The following FAM228B variants were observed in gnomAD, a reference collection of about 807,000 sequenced individuals.
FAM228B encodes protein FAM228B.
Under a neutral mutation model 42.6 loss-of-function variants are expected in FAM228B, and 38 were observed. That is an observed-to-expected ratio of 0.89 (90% CI 0.69 to 1.17). FAM228B has a LOEUF of 1.17. Ranked by LOEUF, FAM228B falls within the 50% of genes most tolerant of loss-of-function variation. The pLI is 0.00. For missense variants in FAM228B, 344 were observed against 367.3 expected (o/e 0.94, Z 0.52); for synonymous variants, 109 against 122.3 (o/e 0.89, Z 0.72).
chr2:24,164,364 A>C, intron 9 of FAM228B, 29 bp downstream of exon 9: 2 of 1,531,948 alleles, frequency 1.3e-6, no homozygotes, highest in Non-Finnish European at 1.8e-6. Flanking sequence ...CCATTTCATC[A>C]TACATAAGGT....
At chr2:24,124,083 T>G in intron 1 of FAM228B, 1 of 275,604 alleles carries the variant, frequency 3.6e-6, no homozygotes. Flanking sequence ...TGGGCTGCCT[T>G]GGAGGGGGAC....
In FAM228B at chr2:24,132,464, G is replaced by GTTTTTTTTT. The variant is rs548264853; in HGVS notation, c.100-2637_100-2629dup. 1.2e-3 allele frequency among the ~76,000 whole-genome samples: 66 copies of GTTTTTTTTT among 55,996 alleles called. 1 individual carries two copies. Among genetic ancestry groups the GTTTTTTTTT allele is most frequent in the East Asian group, 1.9e-3 (3 of 1,610 alleles). 36.7% of individuals were successfully genotyped at this position (55,996 alleles called of 152,430 possible). On this transcript the variant is annotated intron_variant, in intron 2 of 10. Transcript: ENST00000615575. ...CATGAATCCCTCTGGTCCTGGGATT[G>GTTTTTTTTT]TTTTTTTTTTTTTTTTTTTTTTTTT...
chr2:24,100,747 G>GC (rs1036315480), intron 3 of FAM228B, among the ~76,000 whole-genome samples: 11 of 152,172 alleles, frequency 7.2e-5, no homozygotes, highest in African/African-American at 2.7e-4. Flanking sequence ...ATTTGACCCA[G>GC]CAATCCCATT....
intron 1 of FAM228B, 75 bp downstream of exon 1, chr2:24,123,608 C>G (rs1035262111): frequency 6.6e-6 from 1 of 151,946 alleles, no homozygotes; most frequent in East Asian, 1.9e-4. Context: ...GCTCCGGGGT[C>G]GTCGGGCCGG....
intron 5 of FAM228B, among the ~76,000 whole-genome samples, chr2:24,142,133 C>G (rs1362888991): frequency 6.6e-6 from 1 of 152,176 alleles, no homozygotes; most frequent in Non-Finnish European, 1.5e-5. Flanking sequence ...GACCCTGCTC[C>G]TGAGCTGCTA....
chr2:24,123,389 C>T (rs1666190093), upstream of FAM228B: 1 of 152,240 alleles, frequency 6.6e-6, no homozygotes, highest in East Asian at 1.9e-4. Flanking sequence ...CTTCCGCAAA[C>T]CAAGACCCGC....
At chr2:24,092,212 C>A (rs2150992066) in intron 2 of FAM228B, among the ~76,000 whole-genome samples, 1 of 103,840 alleles carries the variant, frequency 9.6e-6, no homozygotes, top group Non-Finnish European at 1.8e-5. Flanking sequence ...GAGTAAGACT[C>A]TGTCTCAAAA....
chr2:24,159,918 G>C (rs144864012), intron 7 of FAM228B, among the ~76,000 whole-genome samples: 1 of 151,654 alleles, frequency 6.6e-6, no homozygotes, highest in Admixed American at 6.6e-5. Context: ...CTGCTGCTAC[G>C]ATCTTCTCTT....
intron 2 of FAM228B, among the ~76,000 whole-genome samples, chr2:24,081,995 T>TAA (rs1665028145): frequency 6.6e-6 from 1 of 151,938 alleles, no homozygotes; most frequent in Non-Finnish European, 1.5e-5. Context: ...ACGCCCAGCC[T>TAA]ACTCTTTCTT....
chr2:24,105,355 G>A (rs551808710), intron 3 of FAM228B, among the ~76,000 whole-genome samples: 1 of 152,302 alleles, frequency 6.6e-6, no homozygotes, highest in African/African-American at 2.4e-5. Context: ...CCTAGGAGTG[G>A]ACTAGAATTG....
At chr2:24,109,605 C>A (rs577649562) in intron 3 of FAM228B, among the ~76,000 whole-genome samples, 96 of 152,214 alleles carry the variant, frequency 6.3e-4, no homozygotes, top group African/African-American at 2.2e-3. Flanking sequence ...GCAAAAACAA[C>A]CCCATCAAAA....
intron 2 of FAM228B, among the ~76,000 whole-genome samples, chr2:24,094,501 G>A (rs561673419): frequency 2.0e-5 from 3 of 151,940 alleles, no homozygotes; most frequent in African/African-American, 7.2e-5. Flanking sequence ...TCCCCCTCCC[G>A]AGAGACAGAG....
intron 7 of FAM228B, among the ~76,000 whole-genome samples, chr2:24,152,644 G>C (rs964690248): frequency 6.6e-6 from 1 of 152,208 alleles, no homozygotes; most frequent in African/African-American, 2.4e-5. Flanking sequence ...CTCTCTCTCT[G>C]TGCTGAGCCA....
At chr2:24,089,793 A>G (rs1320405270) in intron 2 of FAM228B, among the ~76,000 whole-genome samples, 1 of 152,020 alleles carries the variant, frequency 6.6e-6, no homozygotes, top group Non-Finnish European at 1.5e-5. Flanking sequence ...ATAAAGATAA[A>G]CATTTCTTTA....
intron 7 of FAM228B, among the ~76,000 whole-genome samples, chr2:24,151,109 GT>G (rs1421682630): frequency 1.3e-5 from 2 of 151,778 alleles, no homozygotes; most frequent in Non-Finnish European, 2.9e-5. Flanking sequence ...GTGCTTCATT[GT>G]TTTTTATTCT....
intron 2 of FAM228B, among the ~76,000 whole-genome samples, chr2:24,087,060 A>C (rs1212219238): frequency 6.6e-6 from 1 of 152,146 alleles, no homozygotes; most frequent in Non-Finnish European, 1.5e-5. Context: ...AATACCAACC[A>C]CTAAGTATAC....
chr2:24,092,913 C>G (rs1001038520), intron 2 of FAM228B, among the ~76,000 whole-genome samples: 4 of 140,832 alleles, frequency 2.8e-5, no homozygotes, highest in African/African-American at 1.0e-4. Flanking sequence ...TACACATATA[C>G]ATGATTTTAT....
At chr2:24,138,640 C>A (rs1324750253) in intron 4 of FAM228B, among the ~76,000 whole-genome samples, 5 of 151,228 alleles carry the variant, frequency 3.3e-5, no homozygotes, top group Admixed American at 2.6e-4. Flanking sequence ...CAGCCCTCCC[C>A]ATGTAATTAT....
intron 2 of FAM228B, among the ~76,000 whole-genome samples, chr2:24,127,773 G>A (rs950461881): frequency 5.9e-5 from 9 of 151,290 alleles, no homozygotes; most frequent in Non-Finnish European, 1.3e-4. Context: ...AGCAATTCTT[G>A]TGCCTAAGCC....
Sources: allele counts gnomAD v4.1 joint callset (sites outside exome capture counted in the v4.1 genomes callset), GRCh38; gene constraint gnomAD v4.1.1; transcripts MANE v1.5; gene names NCBI Gene and HGNC (gene_info 2026-07-23, HGNC 2026-07-21).